PPP2R5B: variants seen among roughly 807,000 people sequenced by gnomAD.
PPP2R5B encodes serine/threonine-protein phosphatase 2A 56 kDa regulatory subunit beta isoform.
In PPP2R5B, 19 loss-of-function variants were observed where a neutral mutation model predicts 59.9. The ratio of observed to expected loss-of-function variants is 0.32; its 90% confidence interval spans 0.22 to 0.47. PPP2R5B has a LOEUF of 0.47. Ranked by LOEUF, PPP2R5B falls within the 20% of genes least tolerant of loss-of-function variation. The pLI is 1.00. For synonymous variants in PPP2R5B, 286 were observed against 260.5 expected (o/e 1.10, Z -0.94); for missense variants, 441 against 640.2 (o/e 0.69, Z 3.36).
upstream of PPP2R5B, among the ~76,000 whole-genome samples, chr11:64,919,800 C>A (rs919165438): frequency 6.6e-6 from 1 of 152,132 alleles, no homozygotes; most frequent in Non-Finnish European, 1.5e-5. Flanking sequence ...TGTTACTTTA[C>A]GTGCACGATC....
chr11:64,933,049 T>C (rs975142215), intron 12 of PPP2R5B, 96 bp from the exon 13 acceptor site: 5 of 1,491,170 alleles, frequency 3.4e-6, no homozygotes, highest in Non-Finnish European at 9.3e-7. Flanking sequence ...GCAGTGCTTG[T>C]GTTCAGGTGG....
chr11:64,933,817 G>C lies in PPP2R5B; in HGVS notation c.1467G>C (p.Gln489His), dbSNP rs895929534. 9 of 1,549,266 alleles carry C rather than the reference G, an allele frequency of 5.8e-6. No homozygotes were observed. The highest frequency in any genetic ancestry group is 7.8e-6 in the Non-Finnish European group (9 of 1,146,964). ...CCCCCCTCCAGCGGCTTACACCCCAGGTGGCCGCCAGTGGGGGTCAGAGCT... is the reference window on the plus strand; with the variant it reads ...CCCCCCTCCAGCGGCTTACACCCCACGTGGCCGCCAGTGGGGGTCAGAGCT... The part of the protein sequence containing the change: ...KEAPLQRLTP[Q>H]VAASGGQS The change falls in exon 14 of 14, where the codon CAG (glutamine) becomes CAC (histidine). Residue 489 changes from glutamine to histidine, a missense_variant. This residue lies in a region of PPP2R5B where 70 missense variants were observed against 64.2 expected (regional missense o/e 1.09). Coordinates refer to ENST00000164133, the MANE Select transcript of PPP2R5B (RefSeq NM_006244.4).
chr11:64,926,770 G>A lies in PPP2R5B; in HGVS notation c.258G>A (p.Val86=), dbSNP rs1183258531. 1 of 1,614,246 alleles carries A rather than the reference G, an allele frequency of 6.2e-7. No homozygotes were observed. Among genetic ancestry groups the A allele is most frequent in the South Asian group, 1.1e-5 (1 of 91,086 alleles). Residue 86 remains valine (V), a synonymous_variant, in exon 3 of 14, where the codon GTG becomes GTA. Coordinates refer to ENST00000164133, the MANE Select transcript of PPP2R5B (RefSeq NM_006244.4). ...LLSRKLAQCG[V]MFDFLDCVAD... Reference sequence around the variant, plus strand: ...GCCGGAAGCTGGCCCAGTGTGGGGTGATGTTTGACTTCTTGGACTGTGTGG... The same window carrying A: ...GCCGGAAGCTGGCCCAGTGTGGGGTAATGTTTGACTTCTTGGACTGTGTGG...
At chr11:64,923,298 C>G (rs1428253131), upstream of PPP2R5B, among the ~76,000 whole-genome samples, 1 of 152,256 alleles carries the variant, frequency 6.6e-6, no homozygotes, top group Admixed American at 6.5e-5. Flanking sequence ...CAAGGCGCTT[C>G]TCCTCTCTAG....
chr11:64,933,866 A>C lies in PPP2R5B; in HGVS notation c.*22A>C. On this transcript the variant is annotated 3_prime_UTR_variant, in exon 14 of 14. Transcript: ENST00000164133. ...CTAGACAGCACCTCAGAAGGGGAAAAGCTAAACCCAGAGCTGTCAGTCCCT... is the reference window on the plus strand; with the variant it reads ...CTAGACAGCACCTCAGAAGGGGAAACGCTAAACCCAGAGCTGTCAGTCCCT... The C allele has an allele frequency of 6.7e-7, 1 of 1,500,458 alleles. No individual in the cohort carries two copies. The highest frequency in any genetic ancestry group is 8.9e-7 in the Non-Finnish European group (1 of 1,123,290). The allele number at this position is 1,500,458 out of a possible 1,614,324, so 92.9% of individuals were successfully genotyped here. A position where few individuals can be genotyped will look rare whatever the true frequency, so the allele number is the denominator to read the frequency against.
At chr11:64,927,087 C>T (rs1405580888) in intron 3 of PPP2R5B, among the ~76,000 whole-genome samples, 179 bp downstream of exon 3, 1 of 152,210 alleles carries the variant, frequency 6.6e-6, no homozygotes, top group Admixed American at 6.5e-5. Context: ...CCGGGCCTGC[C>T]CCACGTCCAC....
intron 6 of PPP2R5B, among the ~76,000 whole-genome samples, chr11:64,929,514 T>G (rs764195658): frequency 6.6e-6 from 1 of 152,114 alleles, no homozygotes; most frequent in African/African-American, 2.4e-5. Context: ...TCACTTGAGA[T>G]CAGGAGTTCA....
chr11:64,928,690 A>G (rs1341469901), intron 6 of PPP2R5B, among the ~76,000 whole-genome samples: 2 of 152,230 alleles, frequency 1.3e-5, no homozygotes, highest in Non-Finnish European at 2.9e-5. Flanking sequence ...GACAAGAATT[A>G]CTTGAACCCA....
rs201904964 is a variant in PPP2R5B at position 64,925,769 on chromosome 11, C to T, written c.35C>T (p.Thr12Ile). The change falls in exon 2 of 14, where the codon ACT (threonine) becomes ATT (isoleucine). Residue 12 changes from threonine (T) to isoleucine (I), a missense_variant. Thr to Ile is a moderately conservative substitution (Grantham distance 89). Around this residue, in one of 3 missense-constraint regions of PPP2R5B, gnomAD observed 103 missense variants for 87.9 expected, o/e 1.17. Coordinates refer to ENST00000164133, the MANE Select transcript of PPP2R5B (RefSeq NM_006244.4). This position sits in a 1 kb window ranked among gnomAD's most constrained non-coding sequence, Gnocchi z 4.6. Reference sequence around the variant, plus strand: ...AAGCTGCCCCCTGCAAGCACCCCCACTAGCCCCTCCTCCCCCGGGCTGTCG... The same window carrying T: ...AAGCTGCCCCCTGCAAGCACCCCCATTAGCCCCTCCTCCCCCGGGCTGTCG... The part of the protein sequence containing the change: ...ETKLPPASTP[T>I]SPSSPGLSPV... 3 of 1,590,426 alleles carry T rather than the reference C, an allele frequency of 1.9e-6. No individual in the cohort carries two copies. The highest frequency in any genetic ancestry group is 2.6e-6 in the Non-Finnish European group (3 of 1,165,474).
In PPP2R5B at chr11:64,931,471, T is replaced by A; in HGVS notation, c.927T>A (p.Asp309Glu). The A allele has an allele frequency of 6.2e-7, 1 of 1,614,130 alleles. No individual in the cohort carries two copies. The highest frequency in any genetic ancestry group is 8.5e-7 in the Non-Finnish European group (1 of 1,180,014). The change falls in exon 9 of 14, where the codon GAT (aspartate) becomes GAA (glutamate). Residue 309 changes from aspartate (D) to glutamate (E), a missense_variant. Physicochemically the swap from Asp to Glu is conservative, Grantham distance 45. Coordinates refer to ENST00000164133, the MANE Select transcript of PPP2R5B (RefSeq NM_006244.4). This position sits in a 1 kb window ranked among gnomAD's most constrained non-coding sequence, Gnocchi z 5.0. Reference protein sequence around the residue: ...AYCVVQFLEKDATLTEHVIRG... With the variant: ...AYCVVQFLEKEATLTEHVIRG... ...GTGTGGTGCAGTTCCTGGAGAAGGA[T>A]GCCACTCTGACAGAGCACGTGAGTA... is the stretch of plus-strand genomic sequence containing the variant.
In PPP2R5B at chr11:64,932,816, A is replaced by G. The variant is rs1465131307; in HGVS notation, c.1168A>G (p.Ile390Val). 6.2e-7 allele frequency: 1 copy of G among 1,614,130 alleles called. No homozygotes were observed. Among genetic ancestry groups the G allele is most frequent in the Admixed American group, 1.7e-5 (1 of 60,016 alleles). Residue 390 changes from isoleucine (I) to valine (V), a missense_variant, in exon 12 of 14, where the codon ATT becomes GTT. By Grantham distance (29) the Ile-to-Val change is conservative (BLOSUM62 3). Coordinates refer to ENST00000164133, the MANE Select transcript of PPP2R5B (RefSeq NM_006244.4). ...FWNNEYILSL[I>V]EDNCHTVLPA... ...GAACAATGAGTATATCCTAAGCCTC[A>G]TTGAGGACAACTGCCACACTGTGCT...
intron 12 of PPP2R5B, 105 bp downstream of exon 12, chr11:64,932,997 T>C: frequency 6.5e-7 from 1 of 1,543,476 alleles, no homozygotes; most frequent in Non-Finnish European, 8.9e-7. Context: ...AGAGAAAGCA[T>C]CAAAAGATGG....
At chr11:64,926,405 G>A (rs969531271) in intron 2 of PPP2R5B, among the ~76,000 whole-genome samples, 2 of 152,270 alleles carry the variant, frequency 1.3e-5, no homozygotes, top group African/African-American at 2.4e-5. Context: ...CCACCTGAGA[G>A]GGAGGCAGCA....
rs1422702510 is a variant in PPP2R5B, at chr11:64,931,812, A to C, written c.1060A>C (p.Ile354Leu). ...CATCGAGCCCTCCCAGTTTGTGAAG[A>C]TCCAGGAGCCCCTTTTTAAGCAGGT... Reference protein sequence around the residue: ...DVIEPSQFVKIQEPLFKQVAR... With the variant: ...DVIEPSQFVKLQEPLFKQVAR... Residue 354 changes from isoleucine (I) to leucine (L), a missense_variant, in exon 11 of 14, where the codon ATC becomes CTC. Around this residue, in one of 3 missense-constraint regions of PPP2R5B, gnomAD observed 268 missense variants for 488.1 expected, o/e 0.55. Coordinates refer to ENST00000164133, the MANE Select transcript of PPP2R5B (RefSeq NM_006244.4). The surrounding 1 kb of genome is among the most constrained non-coding windows in gnomAD (Gnocchi z 5.0). 6.2e-7 allele frequency: 1 copy of C among 1,614,028 alleles called. No individual in the cohort carries two copies. The highest frequency in any genetic ancestry group is 8.5e-7 in the Non-Finnish European group (1 of 1,180,032).
rs779588540 is a variant in PPP2R5B at position 64,931,626 on chromosome 11, T to C, written c.996+17T>C. The stretch of plus-strand genomic sequence containing the variant: ...CAGAAGGAGGTATGAAGAAGGGCTT[T>C]GATGCCCGCCAGAGGGAGGCTGGGA... On this transcript the variant is annotated intron_variant, in intron 10 of 13. Coordinates refer to ENST00000164133, the MANE Select transcript of PPP2R5B (RefSeq NM_006244.4). The surrounding 1 kb of genome is among the most constrained non-coding windows in gnomAD (Gnocchi z 5.0). The C allele has an allele frequency of 7.4e-6, 12 of 1,613,646 alleles. No individual in the cohort carries two copies. In the East Asian group the frequency reaches 2.7e-4, roughly 36 times the overall value.
At chr11:64,930,662 A>G (rs1945219648) in intron 8 of PPP2R5B, 73 bp downstream of exon 8, 24 of 1,227,538 alleles carry the variant, frequency 2.0e-5, no homozygotes, top group Non-Finnish European at 2.6e-5. Context: ...CCTGGAGGTC[A>G]GATCCTCCAG....
At chr11:64,918,907 C>T (rs2136668864) in intron 1 of PPP2R5B, among the ~76,000 whole-genome samples, 1 of 152,334 alleles carries the variant, frequency 6.6e-6, no homozygotes, top group Admixed American at 6.5e-5. Context: ...TCCAGTCCCA[C>T]CCATGGGTGG....
chr11:64,922,597 G>A (rs375374889), upstream of PPP2R5B, among the ~76,000 whole-genome samples: 124 of 151,604 alleles, frequency 8.2e-4, 1 homozygote, highest in African/African-American at 2.8e-3. Flanking sequence ...TTTTTCAGCC[G>A]GGCACAGTGG....
Position 64,931,663 on chromosome 11 carries a change from C to T in PPP2R5B, c.996+54C>T. 6.2e-7 allele frequency: 1 copy of T among 1,613,738 alleles called. No homozygotes were observed. The highest frequency in any genetic ancestry group is 8.5e-7 in the Non-Finnish European group (1 of 1,179,904). Reference sequence around the variant, plus strand: ...GAGGGAGGCTGGGAGGGCTCGGCCTCTAGAAGGCAGTCAGGTGTGTGTATG... The same window carrying T: ...GAGGGAGGCTGGGAGGGCTCGGCCTTTAGAAGGCAGTCAGGTGTGTGTATG... On this transcript the variant is annotated intron_variant, in intron 10 of 13. Coordinates refer to ENST00000164133, the MANE Select transcript of PPP2R5B (RefSeq NM_006244.4). This position sits in a 1 kb window ranked among gnomAD's most constrained non-coding sequence, Gnocchi z 5.0.
Sources: allele counts gnomAD v4.1 joint callset (sites outside exome capture counted in the v4.1 genomes callset), GRCh38; gene constraint gnomAD v4.1.1; regional missense constraint gnomAD v4.1.1; non-coding constraint Gnocchi (gnomAD v3.1); transcripts MANE v1.5; gene names NCBI Gene and HGNC (gene_info 2026-07-23, HGNC 2026-07-21).